STK39: variants seen among roughly 807,000 people sequenced by gnomAD.
The protein encoded by STK39 is serine/threonine kinase 39.
STK39 carries 20 observed loss-of-function variants against 77.8 expected under a neutral mutation model. The ratio of observed to expected loss-of-function variants is 0.26; its 90% CI spans 0.18 to 0.37. The LOEUF (loss-of-function observed/expected upper bound fraction) is 0.37, where lower values mean the gene tolerates loss of function less well. Ranked by LOEUF, STK39 falls within the 10% of genes least tolerant of loss-of-function variation. The probability of loss-of-function intolerance (pLI) is 1.00; values close to 1 mark genes in which losing one functional copy is unlikely to be tolerated. For missense variants in STK39, 479 were observed against 656.5 expected (o/e 0.73, Z 2.95); for synonymous variants, 246 against 234.1 (o/e 1.05, Z -0.47).
intron 10 of STK39, among the ~76,000 whole-genome samples, chr2:168,076,802 C>T (rs1039807787): frequency 3.9e-5 from 6 of 151,942 alleles, no homozygotes; most frequent in African/African-American, 2.4e-5. Flanking sequence ...ATATTTCTTC[C>T]GCTTGCATTT....
intron 1 of STK39, among the ~76,000 whole-genome samples, chr2:168,209,155 C>A (rs1334364267): frequency 6.6e-6 from 1 of 152,100 alleles, no homozygotes; most frequent in African/African-American, 2.4e-5. Context: ...CCTTTGCACC[C>A]CTAGGCCCGT....
intron 1 of STK39, among the ~76,000 whole-genome samples, chr2:168,203,748 G>A (rs796320018): frequency 2.6e-4 from 40 of 152,232 alleles, no homozygotes; most frequent in African/African-American, 1.9e-4. Context: ...GCCAGCCACC[G>A]TGCCCCACTA....
chr2:168,165,818 G>A (rs966525717), intron 3 of STK39, among the ~76,000 whole-genome samples: 6 of 151,932 alleles, frequency 3.9e-5, no homozygotes, highest in Admixed American at 6.6e-5. Flanking sequence ...CACCTCCCTC[G>A]ACATCTGCAG....
At chr2:168,197,851 C>T (rs1275088926) in intron 1 of STK39, among the ~76,000 whole-genome samples, 1 of 152,002 alleles carries the variant, frequency 6.6e-6, no homozygotes, top group East Asian at 1.9e-4. Context: ...CCCTGGCCAA[C>T]ATGGTGAAAC....
At chr2:168,070,534 T>G (rs980305218) in intron 12 of STK39, among the ~76,000 whole-genome samples, 4 of 151,888 alleles carry the variant, frequency 2.6e-5, no homozygotes, top group African/African-American at 7.3e-5. Flanking sequence ...CCATGTTGGT[T>G]TGCTGCACCC....
At chr2:168,073,629 T>TTATA (rs147378646) in intron 12 of STK39, among the ~76,000 whole-genome samples, 2 of 152,118 alleles carry the variant, frequency 1.3e-5, no homozygotes. Context: ...TGATCAAAGC[T>TTATA]TATATATATA....
chr2:168,167,515 A>G, intron 2 of STK39, 108 bp from the exon 3 acceptor site: 1 of 886,146 alleles, frequency 1.1e-6, no homozygotes, highest in Non-Finnish European at 1.8e-6. Flanking sequence ...TCGAAAGCCT[A>G]CCTGAGGGGC....
At chr2:168,101,200 C>T (rs1363316336) in intron 10 of STK39, among the ~76,000 whole-genome samples, 1 of 151,964 alleles carries the variant, frequency 6.6e-6, no homozygotes, top group Non-Finnish European at 1.5e-5. Context: ...CACACCAGGG[C>T]TTGTCGGGGG....
intron 15 of STK39, among the ~76,000 whole-genome samples, chr2:168,016,374 G>A (rs1204379873): frequency 7.3e-6 from 1 of 137,610 alleles, no homozygotes; most frequent in African/African-American, 2.8e-5. Flanking sequence ...TTGTTTGGCT[G>A]GTGGCCTTTG....
chr2:168,115,692 T>C (rs1687240294), intron 10 of STK39, among the ~76,000 whole-genome samples: 1 of 152,194 alleles, frequency 6.6e-6, no homozygotes, highest in Non-Finnish European at 1.5e-5. Flanking sequence ...TGCAGGTAGA[T>C]TGCAGGACAA....
chr2:168,200,282 T>C (rs1334581896), intron 1 of STK39, among the ~76,000 whole-genome samples: 4 of 152,152 alleles, frequency 2.6e-5, no homozygotes, highest in African/African-American at 4.8e-5. Flanking sequence ...CAGCACATGT[T>C]AAACTTACAA....
At chr2:168,095,727 C>T (rs765401799) in intron 10 of STK39, among the ~76,000 whole-genome samples, 3 of 149,354 alleles carry the variant, frequency 2.0e-5, no homozygotes, top group East Asian at 2.0e-4. Context: ...CCTGGGTTCA[C>T]GCCATTATCC....
chr2:168,122,638 T>A (rs554925504), intron 10 of STK39, among the ~76,000 whole-genome samples: 1 of 152,238 alleles, frequency 6.6e-6, no homozygotes, highest in Admixed American at 6.5e-5. Flanking sequence ...AATCTTGCCA[T>A]GTTGCACAGG....
chr2:168,032,730 A>G (rs1684859485), intron 14 of STK39, among the ~76,000 whole-genome samples: 1 of 152,234 alleles, frequency 6.6e-6, no homozygotes, highest in Admixed American at 6.5e-5. Context: ...AAACAAAGCA[A>G]AACAAAAACC....
chr2:168,218,299 A>G (rs1396174201), intron 1 of STK39, among the ~76,000 whole-genome samples: 1 of 152,240 alleles, frequency 6.6e-6, no homozygotes, highest in Non-Finnish European at 1.5e-5. Flanking sequence ...AGTAACTTGT[A>G]AAGAACCACA....
At chr2:168,140,492 T>G in intron 6 of STK39, 102 bp from the exon 7 acceptor site, 1 of 1,222,102 alleles carries the variant, frequency 8.2e-7, no homozygotes, top group East Asian at 2.4e-5. Flanking sequence ...ATGTATAACT[T>G]TCACGTTAGT....
intron 10 of STK39, among the ~76,000 whole-genome samples, chr2:168,081,826 T>C (rs951179908): frequency 2.0e-5 from 3 of 152,212 alleles, no homozygotes; most frequent in African/African-American, 7.2e-5. Context: ...CAAGATCTGA[T>C]GGTTTTAAAA....
chr2:168,122,336 C>A (rs962075515), intron 10 of STK39, among the ~76,000 whole-genome samples: 13 of 152,172 alleles, frequency 8.5e-5, no homozygotes, highest in African/African-American at 2.9e-4. Context: ...GTCTCCACCT[C>A]CATCCATGTT....
At chr2:167,965,125 A>G (rs1574349833) in intron 16 of STK39, among the ~76,000 whole-genome samples, 2 of 120,548 alleles carry the variant, frequency 1.7e-5, no homozygotes, top group Admixed American at 8.1e-5. Context: ...TAGTGGGGAG[A>G]AAAAAAAAAC....
Sources: allele counts gnomAD v4.1 joint callset (sites outside exome capture counted in the v4.1 genomes callset), GRCh38; gene constraint gnomAD v4.1.1; transcripts MANE v1.5; gene names NCBI Gene and HGNC (gene_info 2026-07-23, HGNC 2026-07-21).